Variants in CFAP47 observed in about 807,000 individuals in gnomAD.
CFAP47 encodes the protein cilia and flagella associated protein 47.
A neutral mutation model predicts 148.1 loss-of-function variants in CFAP47; 29 were observed. That is an observed-to-expected ratio of 0.20 (90% CI 0.15 to 0.27). The LOEUF is 0.27. Ranked by LOEUF, CFAP47 falls within the 10% of genes least tolerant of loss-of-function variation. CFAP47 has a pLI of 1.00. For missense variants in CFAP47, 1,872 were observed against 1,697.5 expected (o/e 1.10, Z -1.81); for synonymous variants, 664 against 577.3 (o/e 1.15, Z -2.15).
chrX:35,986,014 C>A, intron 15 of CFAP47: 1 of 283,388 alleles, frequency 3.5e-6, no homozygotes, highest in Non-Finnish European at 7.0e-6. Flanking sequence ...AAGGAAATTG[C>A]CCATGGTCTC....
At chrX:36,343,955 T>C (rs782359779) in intron 57 of CFAP47, among the ~76,000 whole-genome samples, 1 of 108,604 alleles carries the variant, frequency 9.2e-6, no homozygotes, top group Non-Finnish European at 1.9e-5. Context: ...CATGAACTCA[T>C]CATTTTTTAT....
rs1276583340 is a variant in CFAP47, at chrX:36,385,085, A to G, written c.*79A>G. The G allele has an allele frequency of 3.1e-6, 2 of 647,457 alleles. No homozygotes were observed. The highest frequency in any genetic ancestry group is 4.8e-6 in the Non-Finnish European group (2 of 418,881). The allele number at this position is 647,457 out of a possible 1,213,427, so 53.4% of individuals were successfully genotyped here. The stretch of plus-strand genomic sequence containing the variant: ...TTCATCTTTTGGAATATTTCTGAGG[A>G]ATAATGGTTTAATTATAATAGGCCT... On this transcript the variant is annotated 3_prime_UTR_variant, in exon 64 of 64. Coordinates refer to ENST00000378653, the MANE Select transcript of CFAP47 (RefSeq NM_001304548.2).
intron 38 of CFAP47, 104 bp from the exon 39 acceptor site, chrX:36,160,577 A>G (rs1292136786): frequency 1.9e-5 from 5 of 268,643 alleles, no homozygotes; most frequent in Non-Finnish European, 3.3e-5. Flanking sequence ...CTGTCAGTGT[A>G]ATATTAAATG....
chrX:35,927,923 C>G (rs1449584600), intron 2 of CFAP47, among the ~76,000 whole-genome samples: 1 of 108,899 alleles, frequency 9.2e-6, no homozygotes, highest in Non-Finnish European at 1.9e-5. Context: ...GTAGCAAAAT[C>G]TTGCAAGAGA....
intron 21 of CFAP47, among the ~76,000 whole-genome samples, chrX:36,010,730 C>T (rs1271433593): frequency 9.0e-6 from 1 of 111,472 alleles, no homozygotes; most frequent in Non-Finnish European, 1.9e-5. Context: ...AGTGTTTTGT[C>T]ATTTTTATAA....
chrX:36,232,591 G>T (rs1244578336), intron 46 of CFAP47, among the ~76,000 whole-genome samples: 56 of 110,951 alleles, frequency 5.0e-4, no homozygotes, highest in Non-Finnish European at 7.9e-4. Flanking sequence ...TTTTTTAAAG[G>T]GTTTTTTTGT....
At chrX:36,072,116 A>T in intron 28 of CFAP47, 145 bp downstream of exon 28, 1 of 440,460 alleles carries the variant, frequency 2.3e-6, no homozygotes, top group South Asian at 4.7e-5. Context: ...TAAATGGATC[A>T]TCTGTTTGGA....
At chrX:36,123,732 C>T (rs905396651) in intron 33 of CFAP47, among the ~76,000 whole-genome samples, 3 of 111,409 alleles carry the variant, frequency 2.7e-5, no homozygotes, top group African/African-American at 9.8e-5. Context: ...ATCCAAAAGT[C>T]AAGTTCTGGA....
At chrX:36,320,877 G>T (rs1941473302) in intron 57 of CFAP47, among the ~76,000 whole-genome samples, 1 of 111,998 alleles carries the variant, frequency 8.9e-6, no homozygotes. Flanking sequence ...TGTATAAAAA[G>T]AAACTTTGTA....
At chrX:36,142,808 G>T (rs1939165913) in intron 35 of CFAP47, among the ~76,000 whole-genome samples, 1 of 110,082 alleles carries the variant, frequency 9.1e-6, no homozygotes, top group Non-Finnish European at 1.9e-5. Flanking sequence ...TGGTTCAAAA[G>T]ACTTTGATTC....
chrX:35,922,930 G>A (rs768229913), intron 1 of CFAP47, among the ~76,000 whole-genome samples: 1 of 111,206 alleles, frequency 9.0e-6, no homozygotes, highest in South Asian at 3.8e-4. Flanking sequence ...CACCTATAAT[G>A]AGCACCTTCC....
At chrX:36,196,197 TAAC>T (rs1349911964) in intron 42 of CFAP47, among the ~76,000 whole-genome samples, 1 of 111,492 alleles carries the variant, frequency 9.0e-6, no homozygotes, top group Non-Finnish European at 1.9e-5. Flanking sequence ...TAATTTTAAA[TAAC>T]AGTGATTATT....
chrX:36,341,129 A>G (rs1455797256), intron 57 of CFAP47, among the ~76,000 whole-genome samples: 2 of 104,295 alleles, frequency 1.9e-5, no homozygotes, highest in African/African-American at 7.0e-5. Context: ...TCTGCTTCCC[A>G]GGTTCAAGCG....
At chrX:36,107,745 CTG>C (rs1938489313) in intron 33 of CFAP47, among the ~76,000 whole-genome samples, 1 of 111,913 alleles carries the variant, frequency 8.9e-6, no homozygotes, top group African/African-American at 3.2e-5. Context: ...CTCTTCTCCT[CTG>C]TTACTATTTT....
intron 26 of CFAP47, among the ~76,000 whole-genome samples, chrX:36,063,165 T>G (rs948767258): frequency 8.9e-6 from 1 of 111,833 alleles, no homozygotes; most frequent in Non-Finnish European, 1.9e-5. Context: ...TTTCATCTCA[T>G]TGTTACTGTA....
At chrX:36,107,369 A>G (rs1011895780) in intron 33 of CFAP47, among the ~76,000 whole-genome samples, 1 of 112,119 alleles carries the variant, frequency 8.9e-6, no homozygotes, top group African/African-American at 3.2e-5. Context: ...GTTAGATACA[A>G]CTCATATTTT....
intron 33 of CFAP47, among the ~76,000 whole-genome samples, chrX:36,108,576 A>G (rs1451080409): frequency 4.5e-5 from 5 of 111,495 alleles, no homozygotes; most frequent in Admixed American, 1.9e-4. Context: ...TCTCATATTT[A>G]CCACATCCAG....
intron 51 of CFAP47, among the ~76,000 whole-genome samples, chrX:36,290,033 C>T (rs908439222): frequency 6.3e-5 from 7 of 110,604 alleles, no homozygotes; most frequent in Non-Finnish European, 1.1e-4. Flanking sequence ...TCTCCCTCCA[C>T]ACCCTCTCTT....
At chrX:36,027,792 CT>C (rs1239030464) in intron 22 of CFAP47, among the ~76,000 whole-genome samples, 1 of 111,786 alleles carries the variant, frequency 8.9e-6, no homozygotes, top group South Asian at 3.7e-4. Context: ...TAAGTGTTCA[CT>C]TTTTTTCCAT....
Sources: gnomAD v4.1 joint callset for allele counts (sites outside exome capture counted in the v4.1 genomes callset) on GRCh38, gnomAD v4.1.1 for gene constraint, MANE v1.5 for transcripts, NCBI Gene and HGNC (gene_info 2026-07-23, HGNC 2026-07-21) for gene names.